TENM1: variants seen among roughly 807,000 people sequenced by gnomAD.
TENM1 encodes teneurin transmembrane protein 1.
In TENM1, 35 loss-of-function variants were observed where a neutral mutation model predicts 174.8. The ratio of observed to expected loss-of-function variants is 0.20; its 90% CI spans 0.15 to 0.27. The LOEUF is 0.27. Ranked by LOEUF, TENM1 falls within the 10% of genes least tolerant of loss-of-function variation. The probability of loss-of-function intolerance (pLI) is 1.00; values close to 1 mark genes in which losing one functional copy is unlikely to be tolerated. For synonymous variants in TENM1, 781 were observed against 798.7 expected, an observed-to-expected ratio of 0.98 and a Z score of 0.37; for missense variants, 1,633 against 2,130.1, an observed-to-expected ratio of 0.77 and a Z score of 4.59.
intron 11 of TENM1, among the ~76,000 whole-genome samples, chrX:124,569,876 T>A (rs773576946): frequency 1.8e-5 from 2 of 110,989 alleles, no homozygotes; most frequent in African/African-American, 6.5e-5. Context: ...TTATAAGAGC[T>A]GAAACTAATA....
rs773189800 is a variant in TENM1 at position 124,406,609 on chromosome X, A to T, written c.4983-120T>A. On this transcript the variant is annotated intron_variant, in intron 25 of 31. Coordinates refer to ENST00000422452, the Ensembl canonical transcript of TENM1. ...CTTTGAGTGATAACAAGTATTATTA[A>T]CCTTGTTCAAGAAGAAGAAAAAGGT... 16 of 433,337 alleles carry T rather than the reference A, an allele frequency of 3.7e-5. No homozygotes were observed. The South Asian group carries it at 8.8e-4, about 24-fold the overall frequency. The allele number at this position is 433,337 out of a possible 1,213,427, so 35.7% of individuals were successfully genotyped here. A position where few individuals can be genotyped will look rare whatever the true frequency, so the allele number is the denominator to read the frequency against.
At chrX:124,755,024 T>C (rs2054192259) in intron 3 of TENM1, among the ~76,000 whole-genome samples, 1 of 101,273 alleles carries the variant, frequency 9.9e-6, no homozygotes, top group African/African-American at 4.1e-5. Flanking sequence ...CAGAGCTGAG[T>C]TCAATTCCTG....
chrX:124,657,504 C>T (rs2051477070), intron 6 of TENM1, among the ~76,000 whole-genome samples: 1 of 111,696 alleles, frequency 9.0e-6, no homozygotes, highest in South Asian at 3.8e-4. Context: ...GCGGTATCAC[C>T]TAAATCAAGA....
intron 14 of TENM1, 54 bp from the exon 18 acceptor site, chrX:124,547,144 T>C (rs1602637820): frequency 1.1e-5 from 10 of 940,209 alleles, no homozygotes; most frequent in East Asian, 9.5e-5. Flanking sequence ...GAGAAAAATA[T>C]AGTTTAAAAT....
chrX:125,091,494 A>G, the TENM1 span, among the ~76,000 whole-genome samples: 2 of 111,823 alleles, frequency 1.8e-5, no homozygotes, highest in African/African-American at 6.5e-5. Flanking sequence ...GAAACCAGGT[A>G]GGTTGAGTGT....
chrX:125,086,647 T>G, the TENM1 span, among the ~76,000 whole-genome samples: 10,243 of 110,399 alleles, frequency 0.093, 1,168 homozygotes, highest in African/African-American at 0.32. Flanking sequence ...TGCTGGCACA[T>G]CAACAGAGAA....
rs758247090 is a variant in TENM1 at position 124,383,208 on chromosome X, A to G, written c.7298-396T>C. Among the ~76,000 whole-genome samples, 9 of 110,699 alleles carry G rather than the reference A, an allele frequency of 8.1e-5. No homozygotes were observed. In the South Asian group the frequency reaches 3.1e-3, roughly 38 times the overall value. On this transcript the variant is annotated intron_variant, in intron 30 of 31. Coordinates refer to ENST00000422452, the Ensembl canonical transcript of TENM1. ...GTGATCTGCCTGCCTCAGCCTCCCA[A>G]TGCTGGGATTACAGGTGTGAGCCAC...
chrX:124,865,230 C>T (rs1270739488), intron 3 of TENM1, among the ~76,000 whole-genome samples: 1 of 111,636 alleles, frequency 9.0e-6, no homozygotes, highest in South Asian at 3.7e-4. Flanking sequence ...AACACTGTAA[C>T]TGTGGTGTGT....
the TENM1 span, among the ~76,000 whole-genome samples, chrX:125,200,722 T>A: frequency 1.8e-5 from 2 of 108,140 alleles, no homozygotes; most frequent in African/African-American, 6.8e-5. Context: ...ATCAAAAAAA[T>A]TAATCACTGA....
intron 11 of TENM1, among the ~76,000 whole-genome samples, chrX:124,565,920 T>C (rs759425449): frequency 5.3e-5 from 6 of 112,336 alleles, no homozygotes; most frequent in Non-Finnish European, 9.4e-5. Flanking sequence ...GTTAAGTCTC[T>C]AAGAATAATA....
chrX:124,733,136 A>T (rs2148543652), intron 4 of TENM1, among the ~76,000 whole-genome samples: 1 of 112,130 alleles, frequency 8.9e-6, no homozygotes, highest in African/African-American at 3.2e-5. Context: ...TGTGAGGAAC[A>T]GGTTGAAGGA....
chrX:124,561,315 C>T (rs2048814261), intron 14 of TENM1, among the ~76,000 whole-genome samples: 1 of 110,832 alleles, frequency 9.0e-6, no homozygotes, highest in South Asian at 3.9e-4. Flanking sequence ...GGAGACTTGG[C>T]TCTGCTACTC....
intron 25 of TENM1, among the ~76,000 whole-genome samples, chrX:124,407,833 C>T (rs983647548): frequency 1.8e-5 from 2 of 112,738 alleles, no homozygotes; most frequent in Non-Finnish European, 3.7e-5. Context: ...ATATGCCTAG[C>T]CTTAGATGTT....
intron 1 of TENM1, among the ~76,000 whole-genome samples, chrX:124,941,614 C>T: frequency 8.9e-6 from 1 of 112,119 alleles, no homozygotes; most frequent in African/African-American, 3.2e-5. Context: ...TTAGATATTT[C>T]TATCTGGAGA....
the TENM1 span, among the ~76,000 whole-genome samples, chrX:124,999,853 C>T: frequency 9.0e-6 from 1 of 111,479 alleles, no homozygotes; most frequent in African/African-American, 3.3e-5. Flanking sequence ...GCTTTAAAGA[C>T]AGGAATTGCT....
At chrX:125,066,303 C>G in the TENM1 span, among the ~76,000 whole-genome samples, 5 of 111,572 alleles carry the variant, frequency 4.5e-5, no homozygotes, top group African/African-American at 1.3e-4. Context: ...GACTACTTCC[C>G]TAGTTCTATC....
At chrX:124,829,529 T>A (rs2056242876) in intron 3 of TENM1, among the ~76,000 whole-genome samples, 1 of 111,837 alleles carries the variant, frequency 8.9e-6, no homozygotes, top group Non-Finnish European at 1.9e-5. Context: ...TAATATTCGT[T>A]GGGAGTACAC....
intron 18 of TENM1, among the ~76,000 whole-genome samples, chrX:124,509,887 A>AT (rs752671089): frequency 0.061 from 6,473 of 106,107 alleles, 504 homozygotes; most frequent in African/African-American, 0.2. Flanking sequence ...CGCCTGGCTA[A>AT]TTTTTTTTTT....
intron 11 of TENM1, among the ~76,000 whole-genome samples, chrX:124,608,525 C>T (rs1444456553): frequency 9.0e-6 from 1 of 111,670 alleles, no homozygotes; most frequent in African/African-American, 3.3e-5. Context: ...CTTTGCTTTA[C>T]AGTAAGCGCG....
Sources: allele counts gnomAD v4.1 joint callset (sites outside exome capture counted in the v4.1 genomes callset), GRCh38; gene constraint gnomAD v4.1.1; transcripts MANE v1.5; gene names NCBI Gene and HGNC (gene_info 2026-07-23, HGNC 2026-07-21).